The following LHPP variants were observed in gnomAD, a reference collection of about 807,000 sequenced individuals.
LHPP encodes hLHPP.
LHPP carries 24 observed loss-of-function variants against 30.3 expected under a neutral mutation model. That is an observed-to-expected ratio of 0.79 (90% CI 0.57 to 1.11). The LOEUF (loss-of-function observed/expected upper bound fraction) is 1.11. Among genes scored for constraint, LHPP ranks in the 50% most tolerant of loss-of-function variants. The probability of loss-of-function intolerance (pLI) is 0.00; values close to 1 mark genes in which losing one functional copy is unlikely to be tolerated. For missense variants in LHPP, 356 were observed against 367.2 expected, an observed-to-expected ratio of 0.97 and a Z score of 0.25; for synonymous variants, 150 against 157.1, an observed-to-expected ratio of 0.95 and a Z score of 0.34.
At chr10:124,488,068 C>T (rs1229633646) in intron 2 of LHPP, among the ~76,000 whole-genome samples, 1 of 152,178 alleles carries the variant, frequency 6.6e-6, no homozygotes, top group East Asian at 1.9e-4. Context: ...TTTCCTCCTG[C>T]TGCAGGCTCT....
Position 124,541,548 on chromosome 10 carries a change from G to A in LHPP, c.716+24277G>A, listed in dbSNP as rs1023486983. The stretch of plus-strand genomic sequence containing the variant: ...TGGTGTCCCTAGCATATCTCGAATG[G>A]CAGGCTGAGGCTCGAAAGTCTCATG... On this transcript the variant is annotated intron_variant, in intron 6 of 6. Coordinates refer to ENST00000368842, the MANE Select transcript of LHPP (RefSeq NM_022126.4). The surrounding 1 kb of genome is among the most constrained non-coding windows in gnomAD (Gnocchi z 4.2). Among the ~76,000 whole-genome samples the A allele has an allele frequency of 6.6e-6, 1 of 151,986 alleles. No individual in the cohort carries two copies. The highest frequency in any genetic ancestry group is 2.4e-5 in the African/African-American group (1 of 41,362).
At chr10:124,613,211 C>T in intron 6 of LHPP, 53 bp from the exon 7 acceptor site, 2 of 1,337,426 alleles carry the variant, frequency 1.5e-6, no homozygotes, top group Non-Finnish European at 2.2e-6. Context: ...GTGGGTGTGG[C>T]TGCAGAGGGG....
At chr10:124,464,290 A>G (rs1400057092) in intron 1 of LHPP, among the ~76,000 whole-genome samples, 1 of 152,176 alleles carries the variant, frequency 6.6e-6, no homozygotes, top group Non-Finnish European at 1.5e-5. Flanking sequence ...TGGTAGCCTG[A>G]TGTCACTGGG....
At chr10:124,535,992 T>TC (rs1302984631) in intron 6 of LHPP, among the ~76,000 whole-genome samples, 1 of 152,232 alleles carries the variant, frequency 6.6e-6, no homozygotes, top group East Asian at 1.9e-4. Flanking sequence ...CAGGCAGGAT[T>TC]CCCCTGGGCT....
At chr10:124,490,392 C>T (rs574272751) in intron 3 of LHPP, 2 of 333,934 alleles carry the variant, frequency 6.0e-6, no homozygotes, top group Non-Finnish European at 1.3e-5. Flanking sequence ...GAAATGTCTC[C>T]AGGCAAACTC....
At chr10:124,549,310 G>A (rs1482263741) in intron 6 of LHPP, among the ~76,000 whole-genome samples, 1 of 152,128 alleles carries the variant, frequency 6.6e-6, no homozygotes, top group African/African-American at 2.4e-5. Context: ...GTGTACACCT[G>A]TAGCCCCAGC....
chr10:124,514,196 T>C (rs771784785), intron 5 of LHPP, among the ~76,000 whole-genome samples: 5 of 152,040 alleles, frequency 3.3e-5, no homozygotes, highest in Non-Finnish European at 7.4e-5. Flanking sequence ...AGAGGAAAGG[T>C]GGTGGTCACC....
At chr10:124,477,148 A>T (rs1169498571) in intron 1 of LHPP, among the ~76,000 whole-genome samples, 6 of 152,200 alleles carry the variant, frequency 3.9e-5, no homozygotes, top group African/African-American at 1.4e-4. Context: ...GGTTGTGGTA[A>T]GTTGAGATTG....
chr10:124,537,654 C>T (rs1313663767), intron 6 of LHPP, among the ~76,000 whole-genome samples: 1 of 152,214 alleles, frequency 6.6e-6, no homozygotes, highest in Non-Finnish European at 1.5e-5. Context: ...TTTTCAGCTG[C>T]CCCCGCTTCT....
At position 124,466,309 on chromosome 10, in the gene LHPP, C is replaced by T. The variant is rs1366048520; in HGVS notation, c.125+4322C>T. On this transcript the variant is annotated intron_variant, in intron 1 of 6. Transcript: ENST00000368842. The stretch of plus-strand genomic sequence containing the variant: ...AATGCAGAAATGCAAGAATGTATTT[C>T]TCCTGCTGTGTTTGCATAAAGACAC... Among the ~76,000 whole-genome samples, 5 of 152,326 alleles carry T rather than the reference C, an allele frequency of 3.3e-5. No individual in the cohort carries two copies. The East Asian group carries it at 9.6e-4, about 29-fold the overall frequency.
Position 124,567,870 on chromosome 10 carries a change from C to T in LHPP, c.717-45394C>T, listed in dbSNP as rs116418652. Among the ~76,000 whole-genome samples the T allele has an allele frequency of 4.2e-3, 634 of 152,366 alleles. 4 individuals carry two copies. The highest frequency in any genetic ancestry group is 0.015 in the African/African-American group (619 of 41,602). On this transcript the variant is annotated intron_variant, in intron 6 of 6. Coordinates refer to ENST00000368842, the MANE Select transcript of LHPP (RefSeq NM_022126.4). ...ACACGAGGGCTCACTGTGATCTGCTCTAATGCATGGTCTTAATAGCTATAT... is the reference window on the plus strand; with the variant it reads ...ACACGAGGGCTCACTGTGATCTGCTTTAATGCATGGTCTTAATAGCTATAT...
chr10:124,544,233 G>A (rs574836562), intron 6 of LHPP, among the ~76,000 whole-genome samples: 1 of 60,856 alleles, frequency 1.6e-5, no homozygotes, highest in East Asian at 1.1e-3. Flanking sequence ...CCGCCCCCAT[G>A]CAGTCATGCT....
intron 6 of LHPP, among the ~76,000 whole-genome samples, chr10:124,598,939 C>T (rs1327774300): frequency 1.3e-5 from 2 of 151,642 alleles, no homozygotes; most frequent in African/African-American, 2.4e-5. Context: ...CTGTCCATCC[C>T]CGTCCATCCA....
chr10:124,562,305 TCAAACAAA>T (rs3083576), intron 6 of LHPP, among the ~76,000 whole-genome samples: 173 of 150,172 alleles, frequency 1.2e-3, no homozygotes, highest in African/African-American at 3.6e-3. Context: ...AGACCCTGTC[TCAAACAAA>T]CAAACAAACA....
intron 1 of LHPP, among the ~76,000 whole-genome samples, chr10:124,472,620 G>A (rs1214346345): frequency 6.6e-6 from 1 of 150,874 alleles, no homozygotes. Context: ...GTGCAGTGGT[G>A]CGATCTCAGC....
intron 6 of LHPP, among the ~76,000 whole-genome samples, chr10:124,565,108 G>A (rs1245633873): frequency 3.9e-5 from 6 of 152,076 alleles, no homozygotes; most frequent in African/African-American, 7.2e-5. Context: ...CAAACACGAC[G>A]CCCGGCAATA....
intron 6 of LHPP, among the ~76,000 whole-genome samples, chr10:124,571,745 C>G (rs993101076): frequency 3.3e-5 from 5 of 152,116 alleles, no homozygotes; most frequent in Non-Finnish European, 7.4e-5. Context: ...CCTGCCAGCA[C>G]CACGCTGGTC....
intron 2 of LHPP, among the ~76,000 whole-genome samples, chr10:124,486,806 G>A (rs558275617): frequency 3.3e-4 from 50 of 152,258 alleles, no homozygotes; most frequent in Non-Finnish European, 5.7e-4. Flanking sequence ...AGCTGTTAGC[G>A]TAAATGATCT....
chr10:124,612,928 C>T (rs2134025417), intron 6 of LHPP: 1 of 358,852 alleles, frequency 2.8e-6, no homozygotes, highest in East Asian at 5.8e-5. Flanking sequence ...GAGCAGGGTA[C>T]ACTCATGTCC....
Sources: gnomAD v4.1 joint callset for allele counts (sites outside exome capture counted in the v4.1 genomes callset) on GRCh38, gnomAD v4.1.1 for gene constraint, Gnocchi (gnomAD v3.1) non-coding constraint, MANE v1.5 for transcripts, NCBI Gene and HGNC (gene_info 2026-07-23, HGNC 2026-07-21) for gene names.